The following PLAGL2 variants were observed in gnomAD, a reference collection of about 807,000 sequenced individuals.
PLAGL2 encodes the protein PLAG1 like zinc finger 2.
PLAGL2 carries 7 observed loss-of-function variants against 29.0 expected under a neutral mutation model. That is an observed-to-expected ratio of 0.24 (90% CI 0.14 to 0.45). The LOEUF (loss-of-function observed/expected upper bound fraction) is 0.45. Ranked by LOEUF, PLAGL2 falls within the 20% of genes least tolerant of loss-of-function variation. The pLI, the probability that PLAGL2 is intolerant of heterozygous loss-of-function variation, is 0.99. For missense variants in PLAGL2, 454 were observed against 648.2 expected (o/e 0.70, Z 3.25); for synonymous variants, 234 against 266.0 (o/e 0.88, Z 1.17).
At chr20:32,201,754 A>AT (rs2047260629) in intron 2 of PLAGL2, among the ~76,000 whole-genome samples, 165 bp downstream of exon 2, 1 of 152,204 alleles carries the variant, frequency 6.6e-6, no homozygotes, top group Non-Finnish European at 1.5e-5. Flanking sequence ...AATCTGAATC[A>AT]TTTTTTAGTG....
chr20:32,201,414 C>T (rs1487423307), intron 2 of PLAGL2, among the ~76,000 whole-genome samples: 1 of 152,072 alleles, frequency 6.6e-6, no homozygotes, highest in Non-Finnish European at 1.5e-5. Flanking sequence ...GCCACACCCC[C>T]ATATCTACAA....
chr20:32,202,247 C>A lies in PLAGL2; in HGVS notation c.-69G>T. ...CCATCCGCTCCACACAGGCTCTCAG[C>A]TCTGTCACAGCCTCCAACGCAGCTT... On this transcript the variant is annotated 5_prime_UTR_variant, in exon 2 of 3. Coordinates refer to ENST00000246229, the MANE Select transcript of PLAGL2 (RefSeq NM_002657.3). 6.6e-7 allele frequency: 1 copy of A among 1,514,416 alleles called. No homozygotes were observed. Among genetic ancestry groups the A allele is most frequent in the South Asian group, 1.2e-5 (1 of 84,806 alleles). 93.8% of individuals were successfully genotyped at this position (1,514,416 alleles called of 1,614,324 possible).
Position 32,197,036 on chromosome 20 carries a change from G to A in PLAGL2, c.907C>T (p.Pro303Ser), listed in dbSNP as rs1341397214. 6.2e-7 allele frequency: 1 copy of A among 1,614,228 alleles called. No individual in the cohort carries two copies. The highest frequency in any genetic ancestry group is 8.5e-7 in the Non-Finnish European group (1 of 1,180,030). The change falls in exon 3 of 3, where the codon CCT (proline) becomes TCT (serine). Residue 303 changes from proline (P) to serine (S), a missense_variant. Physicochemically the swap from Pro to Ser is moderately conservative, Grantham distance 74 (BLOSUM62 -1). Around this residue, in one of 4 missense-constraint regions of PLAGL2, gnomAD observed 247 missense variants for 350.3 expected, o/e 0.71. Coordinates refer to ENST00000246229, the MANE Select transcript of PLAGL2 (RefSeq NM_002657.3). This position sits in a 1 kb window ranked among gnomAD's most constrained non-coding sequence, Gnocchi z 6.6. ...LPMGMYGAHIPTMPSTGVPHS... is the reference protein window; with the variant it reads ...LPMGMYGAHISTMPSTGVPHS... The stretch of plus-strand genomic sequence containing the variant: ...GGCACGCCCGTGCTGGGCATGGTAG[G>A]GATGTGGGCACCATACATGCCCATG...
chr20:32,202,861 G>C (rs6061224), intron 1 of PLAGL2, among the ~76,000 whole-genome samples: 9,922 of 152,236 alleles, frequency 0.065, 1,146 homozygotes, highest in African/African-American at 0.23. Context: ...GTGTTTCTTA[G>C]CAGTGCATCA....
intron 1 of PLAGL2, among the ~76,000 whole-genome samples, chr20:32,206,917 A>C (rs2047291032): frequency 6.6e-6 from 1 of 151,954 alleles, no homozygotes; most frequent in South Asian, 2.1e-4. Flanking sequence ...ATGGGAAGGA[A>C]TCATGAGCAA....
chr20:32,199,203 GTC>G (rs1463064902), intron 2 of PLAGL2, among the ~76,000 whole-genome samples: 1 of 152,184 alleles, frequency 6.6e-6, no homozygotes, highest in Non-Finnish European at 1.5e-5. Flanking sequence ...TGCAACAGCT[GTC>G]TCTCTCTCGT....
intron 1 of PLAGL2, among the ~76,000 whole-genome samples, chr20:32,204,552 C>T (rs1342005140): frequency 6.6e-6 from 1 of 152,186 alleles, no homozygotes; most frequent in African/African-American, 2.4e-5. Context: ...AAAGAGCCAA[C>T]ACCCTGATCC....
In PLAGL2 at chr20:32,196,970, A is replaced by T; in HGVS notation, c.973T>A (p.Tyr325Asn). ...VHNTLPMGMS[Y>N]PLESSPISSP... ...GAGATAGGTGAGGATTCCAGAGGGT[A>T]GCTCATACCCATGGGCAGCGTGTTG... The change falls in exon 3 of 3, where the codon TAC (tyrosine) becomes AAC (asparagine). Residue 325 changes from tyrosine (Y) to asparagine (N), a missense_variant. Physicochemically the swap from Tyr to Asn is moderately radical, Grantham distance 143 (BLOSUM62 -2). Around this residue, in one of 4 missense-constraint regions of PLAGL2, gnomAD observed 247 missense variants for 350.3 expected, o/e 0.71. Coordinates refer to ENST00000246229, the MANE Select transcript of PLAGL2 (RefSeq NM_002657.3). 6.2e-7 allele frequency: 1 copy of T among 1,614,246 alleles called. No individual in the cohort carries two copies. The highest frequency in any genetic ancestry group is 1.3e-5 in the African/African-American group (1 of 75,076).
rs933414836 is a variant in PLAGL2 at position 32,195,349 on chromosome 20, A to G, written c.*1103T>C. 2 of 152,640 alleles carry G rather than the reference A, an allele frequency of 1.3e-5. No individual in the cohort carries two copies. The highest frequency in any genetic ancestry group is 4.8e-5 in the African/African-American group (2 of 41,452). 9.5% of individuals were successfully genotyped at this position (152,640 alleles called of 1,614,324 possible). A position where few individuals can be genotyped will look rare whatever the true frequency, so the allele number is the denominator to read the frequency against. Reference sequence around the variant, plus strand: ...GCTCAGACTTCCTCCTTTGCTATCCACACCAACCCAGACTCTGCTTCCAAG... The same window carrying G: ...GCTCAGACTTCCTCCTTTGCTATCCGCACCAACCCAGACTCTGCTTCCAAG... On this transcript the variant is annotated 3_prime_UTR_variant, in exon 3 of 3. Transcript: ENST00000246229.
At chr20:32,205,552 G>A (rs933792972) in intron 1 of PLAGL2, among the ~76,000 whole-genome samples, 17 of 152,114 alleles carry the variant, frequency 1.1e-4, no homozygotes, top group African/African-American at 3.9e-4. Context: ...CAGTCTGTCC[G>A]TCCCCTGTTA....
At chr20:32,198,935 G>T (rs1340026486) in intron 2 of PLAGL2, among the ~76,000 whole-genome samples, 1 of 152,222 alleles carries the variant, frequency 6.6e-6, no homozygotes, top group South Asian at 2.1e-4. Context: ...ATGTTTTAAT[G>T]GTATGGCACT....
chr20:32,203,099 G>C (rs764999059), intron 1 of PLAGL2, among the ~76,000 whole-genome samples: 1 of 152,150 alleles, frequency 6.6e-6, no homozygotes, highest in African/African-American at 2.4e-5. Flanking sequence ...AGACGGTAGC[G>C]AGCTCGCATT....
intron 1 of PLAGL2, among the ~76,000 whole-genome samples, chr20:32,206,823 T>C (rs2047290273): frequency 1.3e-5 from 2 of 151,834 alleles, no homozygotes; most frequent in African/African-American, 4.8e-5. Context: ...CTGGGAGAGA[T>C]GGGAGTGGAT....
At chr20:32,204,936 C>T (rs917512865) in intron 1 of PLAGL2, among the ~76,000 whole-genome samples, 4 of 152,214 alleles carry the variant, frequency 2.6e-5, no homozygotes, top group Admixed American at 2.0e-4. Context: ...TATTTTCAGC[C>T]TAAGATTCTT....
At chr20:32,202,844 A>G (rs1194244482) in intron 1 of PLAGL2, among the ~76,000 whole-genome samples, 1 of 152,210 alleles carries the variant, frequency 6.6e-6, no homozygotes, top group Non-Finnish European at 1.5e-5. Context: ...CAGTCCTGGT[A>G]CCAGATGTGT....
At chr20:32,203,354 A>G (rs2047269269) in intron 1 of PLAGL2, among the ~76,000 whole-genome samples, 1 of 152,216 alleles carries the variant, frequency 6.6e-6, no homozygotes, top group South Asian at 2.1e-4. Context: ...CTTGTTGAAT[A>G]GAAGGGGAGA....
chr20:32,197,432 G>C lies in PLAGL2; in HGVS notation c.511C>G (p.Leu171Val), dbSNP rs1266834769. The change falls in exon 3 of 3, where the codon CTG (leucine) becomes GTG (valine). Residue 171 changes from leucine (L) to valine (V), a missense_variant. By Grantham distance (32) the Leu-to-Val change is conservative (BLOSUM62 1). This residue lies in a region of PLAGL2 where 111 missense variants were observed against 173.1 expected (regional missense o/e 0.64). Transcript: ENST00000246229. The surrounding 1 kb of genome is among the most constrained non-coding windows in gnomAD (Gnocchi z 6.6). ...GAGTGGGCCTTCAGGTGCTCTAGCA[G>C]GGCCTGGGTACTCTCAAAGGTCTGC... Reference protein sequence around the residue: ...CLQTFESTQALLEHLKAHSRR... With the variant: ...CLQTFESTQAVLEHLKAHSRR... 4 of 1,612,480 alleles carry C rather than the reference G, an allele frequency of 2.5e-6. No individual in the cohort carries two copies. The highest frequency in any genetic ancestry group is 3.4e-6 in the Non-Finnish European group (4 of 1,179,936).
intron 1 of PLAGL2, among the ~76,000 whole-genome samples, chr20:32,204,934 G>C (rs569857262): frequency 5.3e-5 from 8 of 152,280 alleles, no homozygotes; most frequent in Admixed American, 2.6e-4. Context: ...TATATTTTCA[G>C]CCTAAGATTC....
In PLAGL2 at chr20:32,197,979, A is replaced by C. The variant is rs551950692; in HGVS notation, c.261-297T>G. On this transcript the variant is annotated intron_variant, in intron 2 of 2. Coordinates refer to ENST00000246229, the MANE Select transcript of PLAGL2 (RefSeq NM_002657.3). This position sits in a 1 kb window ranked among gnomAD's most constrained non-coding sequence, Gnocchi z 6.6. ...TAAATTATGATAAGTCCATAAAATG[A>C]CTCAACTTTTCAAAAATGAGGCTTT... Among the ~76,000 whole-genome samples the C allele has an allele frequency of 6.6e-6, 1 of 152,304 alleles. No individual in the cohort carries two copies. The highest frequency in any genetic ancestry group is 2.4e-5 in the African/African-American group (1 of 41,540).
Sources: allele counts gnomAD v4.1 joint callset (sites outside exome capture counted in the v4.1 genomes callset), GRCh38; gene constraint gnomAD v4.1.1; regional missense constraint gnomAD v4.1.1; non-coding constraint Gnocchi (gnomAD v3.1); transcripts MANE v1.5; gene names NCBI Gene and HGNC (gene_info 2026-07-23, HGNC 2026-07-21).